Variants in FBLN2 observed in about 807,000 individuals in gnomAD.
FBLN2 encodes fibulin-2.
In FBLN2, 81 loss-of-function variants were observed where a neutral mutation model predicts 123.7. The ratio of observed to expected loss-of-function variants is 0.65; its 90% CI spans 0.55 to 0.79. The LOEUF (loss-of-function observed/expected upper bound fraction) is 0.79, where lower values mean the gene tolerates loss of function less well. FBLN2 is among the 30% of genes least tolerant of loss of function. The pLI, the probability that FBLN2 is intolerant of heterozygous loss-of-function variation, is 0.00. For missense variants in FBLN2, 1,603 were observed against 1,681.3 expected (o/e 0.95, Z 0.81); for synonymous variants, 699 against 701.4 (o/e 1.00, Z 0.05).
Position 13,608,202 on chromosome 3 carries a change from G to C in FBLN2, c.1418+29G>C, listed in dbSNP as rs1396503077. 8 of 1,517,452 alleles carry C rather than the reference G, an allele frequency of 5.3e-6. No homozygotes were observed. In the East Asian group the frequency reaches 1.9e-4, roughly 37 times the overall value. The allele number at this position is 1,517,452 out of a possible 1,614,324, so 94.0% of individuals were successfully genotyped here. ...GGGTGGGCTCCCTGGAGCAGGCGGAGCTGCCCATTTGCCTTCTCCAGAACC... is the reference window on the plus strand; with the variant it reads ...GGGTGGGCTCCCTGGAGCAGGCGGACCTGCCCATTTGCCTTCTCCAGAACC... On this transcript the variant is annotated intron_variant, in intron 3 of 17. Transcript: ENST00000404922.
At chr3:13,623,868 CATT>C (rs1705937189) in intron 9 of FBLN2, among the ~76,000 whole-genome samples, 1 of 152,222 alleles carries the variant, frequency 6.6e-6, no homozygotes, top group Non-Finnish European at 1.5e-5. Flanking sequence ...CTTGTGACAT[CATT>C]GTTATGATTC....
intron 4 of FBLN2, chr3:13,613,770 T>G: frequency 2.5e-5 from 12 of 483,990 alleles, no homozygotes; most frequent in South Asian, 4.2e-5. Context: ...CTAAAGGCCA[T>G]TTACTTGTTA....
rs946450019 is a variant in FBLN2 at position 13,629,301 on chromosome 3, G to C, written c.2842+9G>C. On this transcript the variant is annotated intron_variant, in intron 13 of 17. Transcript: ENST00000404922. ...TGGCCGGGGCTGCATCGGTAGGTAGGCTGGTGGCCAGGACCCCTGGGGAAC... is the reference window on the plus strand; with the variant it reads ...TGGCCGGGGCTGCATCGGTAGGTAGCCTGGTGGCCAGGACCCCTGGGGAAC... 8.1e-6 allele frequency: 13 copies of C among 1,602,708 alleles called. No homozygotes were observed. The highest frequency in any genetic ancestry group is 1.1e-5 in the Non-Finnish European group (13 of 1,175,822).
chr3:13,624,622 A>G (rs1416800113), intron 9 of FBLN2, among the ~76,000 whole-genome samples: 1 of 152,054 alleles, frequency 6.6e-6, no homozygotes, highest in African/African-American at 2.4e-5. Context: ...CTGGTCCTCT[A>G]GTCATCCTTG....
chr3:13,636,372 C>G (rs1200222209), intron 16 of FBLN2, 73 bp from the exon 17 acceptor site: 1 of 1,573,298 alleles, frequency 6.4e-7, no homozygotes, highest in Non-Finnish European at 8.6e-7. Context: ...CCAGGCCTTT[C>G]ATGCAGGCTG....
intron 1 of FBLN2, among the ~76,000 whole-genome samples, chr3:13,551,231 G>A (rs1166113128): frequency 3.3e-5 from 5 of 152,190 alleles, no homozygotes; most frequent in African/African-American, 9.6e-5. Context: ...AGCCCTGGGC[G>A]GGCCTCCTAC....
intron 6 of FBLN2, 76 bp downstream of exon 6, chr3:13,618,361 C>A: frequency 7.2e-7 from 1 of 1,397,984 alleles, no homozygotes; most frequent in Non-Finnish European, 1.0e-6. Context: ...TCCTGGGGTG[C>A]ACACTGTGGG....
At chr3:13,613,191 C>T (rs1301334084) in intron 4 of FBLN2, among the ~76,000 whole-genome samples, 1 of 152,210 alleles carries the variant, frequency 6.6e-6, no homozygotes, top group Non-Finnish European at 1.5e-5. Flanking sequence ...AGAACTGGCA[C>T]ACCATCATGT....
rs1376503854 is a variant in FBLN2 at position 13,638,353 on chromosome 3, T to TA, written c.*435dup. The TA allele has an allele frequency of 9.4e-4, 269 of 286,650 alleles. No individual in the cohort carries two copies. Among genetic ancestry groups the TA allele is most frequent in the East Asian group, 5.3e-3 (37 of 6,994 alleles). 17.8% of individuals were successfully genotyped at this position (286,650 alleles called of 1,614,324 possible). ...ACTATAAAGTAGTACATGTACATTATATAAAAAAAAGTTCAACTAGTATGA... is the reference window on the plus strand; with the variant it reads ...ACTATAAAGTAGTACATGTACATTATAATAAAAAAAAGTTCAACTAGTATGA... On this transcript the variant is annotated 3_prime_UTR_variant, in exon 18 of 18. Transcript: ENST00000404922.
At chr3:13,637,408 AC>A (rs1706514085) in intron 17 of FBLN2, among the ~76,000 whole-genome samples, 153 bp from the exon 18 acceptor site, 1 of 152,148 alleles carries the variant, frequency 6.6e-6, no homozygotes. Context: ...GGAAACTGAG[AC>A]CCAGGGGACG....
chr3:13,589,300 T>C (rs913938189), intron 2 of FBLN2, among the ~76,000 whole-genome samples: 1 of 152,190 alleles, frequency 6.6e-6, no homozygotes, highest in Admixed American at 6.5e-5. Flanking sequence ...GTGAGGCTTG[T>C]CCATGGGTCC....
rs759325556 is a variant in FBLN2 at position 13,571,028 on chromosome 3, G to T, written c.673G>T (p.Ala225Ser). 6.3e-7 allele frequency: 1 copy of T among 1,578,954 alleles called. No individual in the cohort carries two copies. Among genetic ancestry groups the T allele is most frequent in the South Asian group, 1.2e-5 (1 of 86,832 alleles). Residue 225 changes from alanine to serine, a missense_variant, in exon 2 of 18, where the codon GCA becomes TCA. Transcript: ENST00000404922. ...CCAGGCGGGTGCAGTCCAGGCAGGC[G>T]CAGGGGGCCCCCCAGCTGCTCTGGG... ...EVQAGAVQAG[A>S]GGPPAALGGG... is the part of the protein sequence containing the mutation.
chr3:13,638,222 T>G lies in FBLN2; in HGVS notation c.*303T>G, dbSNP rs1380678923. The stretch of plus-strand genomic sequence containing the variant: ...GAGACACGCGACCATGTTGGGGCTC[T>G]TGGACTCCTCTGGATGACCCGTCCC... On this transcript the variant is annotated 3_prime_UTR_variant, in exon 18 of 18. Transcript: ENST00000404922. 9 of 595,734 alleles carry G rather than the reference T, an allele frequency of 1.5e-5. No homozygotes were observed. The highest frequency in any genetic ancestry group is 2.8e-5 in the Non-Finnish European group (9 of 326,282). The allele number at this position is 595,734 out of a possible 1,614,324, so 36.9% of individuals were successfully genotyped here.
At chr3:13,589,480 T>C (rs1451034942) in intron 2 of FBLN2, among the ~76,000 whole-genome samples, 1 of 152,104 alleles carries the variant, frequency 6.6e-6, no homozygotes, top group Admixed American at 6.6e-5. Context: ...GGGTTCCACC[T>C]GGAACCCCAG....
chr3:13,630,602 CG>C, intron 14 of FBLN2, 96 bp from the exon 15 acceptor site: 3 of 1,007,324 alleles, frequency 3.0e-6, no homozygotes, highest in Middle Eastern at 2.9e-4. Context: ...CAGTCCAGGC[CG>C]GGGAGCTTGG....
At chr3:13,593,209 A>G (rs1704731489) in intron 2 of FBLN2, among the ~76,000 whole-genome samples, 3 of 152,366 alleles carry the variant, frequency 2.0e-5, no homozygotes, top group African/African-American at 7.2e-5. Context: ...TTCACACTGA[A>G]TTTAGCAGCC....
At chr3:13,578,306 T>C (rs1040921683) in intron 2 of FBLN2, among the ~76,000 whole-genome samples, 2 of 152,208 alleles carry the variant, frequency 1.3e-5, no homozygotes, top group Admixed American at 1.3e-4. Context: ...TCTCAGAGCA[T>C]TGTCATCACT....
At chr3:13,609,223 C>T (rs1250958384) in intron 3 of FBLN2, among the ~76,000 whole-genome samples, 3 of 152,240 alleles carry the variant, frequency 2.0e-5, no homozygotes, top group Admixed American at 6.5e-5. Flanking sequence ...GATTAGGTCT[C>T]TCTGTCCTCC....
intron 2 of FBLN2, among the ~76,000 whole-genome samples, chr3:13,585,485 A>G (rs1212689125): frequency 6.6e-6 from 1 of 152,168 alleles, no homozygotes; most frequent in Non-Finnish European, 1.5e-5. Flanking sequence ...TCCATCAATG[A>G]TATACTCTAT....
Sources: allele counts gnomAD v4.1 joint callset (sites outside exome capture counted in the v4.1 genomes callset), GRCh38; gene constraint gnomAD v4.1.1; transcripts MANE v1.5; gene names NCBI Gene and HGNC (gene_info 2026-07-23, HGNC 2026-07-21).